The following GDPD5 variants were observed in gnomAD, a reference collection of about 807,000 sequenced individuals.
GDPD5 encodes glycerophosphodiester phosphodiesterase 2.
In GDPD5, 48 loss-of-function variants were observed where a neutral mutation model predicts 75.1. The ratio of observed to expected loss-of-function variants is 0.64; its 90% confidence interval spans 0.51 to 0.81. The LOEUF is 0.81. GDPD5 is among the 40% of genes least tolerant of loss of function. GDPD5 has a pLI of 0.00. For missense variants in GDPD5, 706 were observed against 822.6 expected (o/e 0.86, Z 1.73); for synonymous variants, 336 against 339.0 (o/e 0.99, Z 0.10).
At chr11:75,497,918 A>T (rs1206174634) in intron 1 of GDPD5, among the ~76,000 whole-genome samples, 2 of 152,232 alleles carry the variant, frequency 1.3e-5, no homozygotes, top group Non-Finnish European at 2.9e-5. Context: ...CCACTGCGTC[A>T]AGCAGGGATT....
At chr11:75,475,624 G>C (rs376620382) in intron 3 of GDPD5, among the ~76,000 whole-genome samples, 2 of 152,278 alleles carry the variant, frequency 1.3e-5, no homozygotes, top group South Asian at 4.1e-4. Context: ...GAGGAGACAG[G>C]GGGCGGAGCG....
At chr11:75,440,578 T>C (rs1284689848) in intron 14 of GDPD5, among the ~76,000 whole-genome samples, 1 of 152,202 alleles carries the variant, frequency 6.6e-6, no homozygotes, top group Non-Finnish European at 1.5e-5. Context: ...TTTATTTTTA[T>C]TTTTTGAGAC....
At chr11:75,485,269 T>G (rs896819699) in intron 2 of GDPD5, 3 of 152,124 alleles carry the variant, frequency 2.0e-5, no homozygotes, top group African/African-American at 7.2e-5. Flanking sequence ...TGGACATGTG[T>G]CAAACCCCAT....
intron 1 of GDPD5, chr11:75,508,915 C>T (rs932428701): frequency 2.0e-5 from 3 of 152,288 alleles, no homozygotes; most frequent in Non-Finnish European, 2.9e-5. Flanking sequence ...GGCTTTGGCT[C>T]AGCATGCTGT....
chr11:75,463,119 T>TC (rs904211253), intron 3 of GDPD5, among the ~76,000 whole-genome samples: 2 of 152,074 alleles, frequency 1.3e-5, no homozygotes, highest in Non-Finnish European at 1.5e-5. Flanking sequence ...AGTCAGGGCC[T>TC]CCCCCCCTGG....
In GDPD5 at chr11:75,441,624, GAGCCC is replaced by G. The variant is rs1948809335; in HGVS notation, c.1325+17_1325+21del. ...GACTCAGTCCCACCCTCTCCTGGAG[GAGCCC>G]AGGGCAGGGCAGGCACCTGAGCTCC... On this transcript the variant is annotated intron_variant, in intron 13 of 16. Transcript: ENST00000336898. The G allele has an allele frequency of 6.5e-7, 1 of 1,539,482 alleles. No individual in the cohort carries two copies. Among genetic ancestry groups the G allele is most frequent in the East Asian group, 2.4e-5 (1 of 41,274 alleles).
intron 3 of GDPD5, among the ~76,000 whole-genome samples, chr11:75,477,078 C>T (rs1358799783): frequency 6.6e-6 from 1 of 152,266 alleles, no homozygotes; most frequent in African/African-American, 2.4e-5. Flanking sequence ...TGGCTGACAG[C>T]GCCCCAGGGA....
intron 3 of GDPD5, among the ~76,000 whole-genome samples, chr11:75,473,239 G>C (rs955712967): frequency 6.6e-6 from 1 of 151,968 alleles, no homozygotes; most frequent in Non-Finnish European, 1.5e-5. Context: ...TGGGGTTAGG[G>C]AGGCTTATTT....
chr11:75,441,613 C>G (rs568762484), intron 13 of GDPD5, 33 bp downstream of exon 13: 1 of 1,526,002 alleles, frequency 6.6e-7, no homozygotes. Context: ...CAGTCCCACC[C>G]TCTCCTGGAG....
Position 75,443,157 on chromosome 11 carries a change from G to C in GDPD5, c.927C>G (p.Asn309Lys). 6.2e-7 allele frequency: 1 copy of C among 1,604,122 alleles called. No individual in the cohort carries two copies. The change falls in exon 11 of 17, where the codon AAC becomes AAG. Residue 309 changes from asparagine to lysine, a missense_variant. Physicochemically the swap from Asn to Lys is moderately conservative, Grantham distance 94. Coordinates refer to ENST00000336898, the MANE Select transcript of GDPD5 (RefSeq NM_030792.8). ...MLNWTTLQRL[N>K]AGQWFLKTDP... ...AGACCTTCAGGAACCACTGGCCAGC[G>C]TTGAGTCTCTGCAGGGTGGTCCAGT...
chr11:75,496,975 G>A (rs1453160263), intron 1 of GDPD5, among the ~76,000 whole-genome samples: 1 of 151,740 alleles, frequency 6.6e-6, no homozygotes, highest in Admixed American at 6.6e-5. Context: ...TAGAGACGGG[G>A]TTTTGCCATG....
At chr11:75,466,827 G>C (rs766504280) in intron 3 of GDPD5, among the ~76,000 whole-genome samples, 1 of 152,168 alleles carries the variant, frequency 6.6e-6, no homozygotes, top group African/African-American at 2.4e-5. Context: ...CGGGTGAGTG[G>C]AGGGGAGTCA....
At chr11:75,478,629 A>G (rs1371632185) in intron 2 of GDPD5, among the ~76,000 whole-genome samples, 2 of 152,156 alleles carry the variant, frequency 1.3e-5, no homozygotes, top group Non-Finnish European at 1.5e-5. Context: ...GAAGGCAAGG[A>G]TTTTTGTCTG....
intron 1 of GDPD5, among the ~76,000 whole-genome samples, chr11:75,499,944 C>T (rs547459401): frequency 6.6e-6 from 1 of 152,346 alleles, no homozygotes; most frequent in African/African-American, 2.4e-5. Flanking sequence ...GGAGCTTCTG[C>T]CTCCTGGGAT....
Position 75,435,569 on chromosome 11 carries a change from G to A in GDPD5, c.1756C>T (p.Pro586Ser). Residue 586 changes from proline to serine, a missense_variant, in exon 17 of 17, where the codon CCT (proline) becomes TCT (serine). Pro to Ser is a moderately conservative substitution (Grantham distance 74, BLOSUM62 -1). Coordinates refer to ENST00000336898, the MANE Select transcript of GDPD5 (RefSeq NM_030792.8). ...YDTYANSTATPVGPRGGGSHT... is the reference protein window; with the variant it reads ...YDTYANSTATSVGPRGGGSHT... ...CTGCCACCCCCTCGGGGGCCCACAG[G>A]GGTGGCGGTGCTGTTGGCATATGTG... is the stretch of plus-strand genomic sequence containing the variant. 6.2e-7 allele frequency: 1 copy of A among 1,613,548 alleles called. No individual in the cohort carries two copies. Among genetic ancestry groups the A allele is most frequent in the Non-Finnish European group, 8.5e-7 (1 of 1,179,784 alleles).
chr11:75,459,602 C>T (rs1053558112), intron 4 of GDPD5, among the ~76,000 whole-genome samples: 4 of 152,082 alleles, frequency 2.6e-5, no homozygotes, highest in Non-Finnish European at 5.9e-5. Flanking sequence ...GCGGGCAGAT[C>T]ACGAGGTCAG....
At position 75,525,780 on chromosome 11, in the gene GDPD5, G is replaced by A. The variant is rs1240758102; in HGVS notation, c.-715C>T. The stretch of plus-strand genomic sequence containing the variant: ...CCCGACTCGGCTCTCTCTGCAAAAC[G>A]GGGCGAACCTCGGCGCGGCGGCCGA... On this transcript the variant is annotated 5_prime_UTR_variant, in exon 1 of 17. Coordinates refer to ENST00000336898, the MANE Select transcript of GDPD5 (RefSeq NM_030792.8). 2.0e-5 allele frequency: 3 copies of A among 151,214 alleles called. No homozygotes were observed. The highest frequency in any genetic ancestry group is 3.0e-5 in the Non-Finnish European group (2 of 67,694). 9.4% of individuals were successfully genotyped at this position (151,214 alleles called of 1,614,324 possible).
intron 1 of GDPD5, among the ~76,000 whole-genome samples, chr11:75,501,239 G>A (rs555539116): frequency 1.3e-5 from 2 of 152,116 alleles, no homozygotes; most frequent in Non-Finnish European, 2.9e-5. Flanking sequence ...GCCCCTCCTC[G>A]CACTTAGCCC....
intron 3 of GDPD5, among the ~76,000 whole-genome samples, chr11:75,468,350 C>T (rs949109171): frequency 3.3e-5 from 5 of 152,206 alleles, no homozygotes; most frequent in African/African-American, 1.2e-4. Context: ...GACACGAGCT[C>T]ACCCTACTCT....
Sources: allele counts gnomAD v4.1 joint callset (sites outside exome capture counted in the v4.1 genomes callset), GRCh38; gene constraint gnomAD v4.1.1; transcripts MANE v1.5; gene names NCBI Gene and HGNC (gene_info 2026-07-23, HGNC 2026-07-21).